Variants in ERN2 observed in about 807,000 individuals in gnomAD.
ERN2 encodes the protein serine/threonine-protein kinase/endoribonuclease IRE2.
A neutral mutation model predicts 107.9 loss-of-function variants in ERN2; 111 were observed. The observed-to-expected ratio is 1.03, with a 90% CI of 0.88 to 1.20. The LOEUF (loss-of-function observed/expected upper bound fraction) is 1.20, where lower values mean the gene tolerates loss of function less well. Among genes scored for constraint, ERN2 ranks in the 50% most tolerant of loss-of-function variants. The pLI, the probability that ERN2 is intolerant of heterozygous loss-of-function variation, is 0.00. For synonymous variants in ERN2, 524 were observed against 501.7 expected (o/e 1.04, Z -0.59); for missense variants, 1,225 against 1,197.9 (o/e 1.02, Z -0.33).
intron 7 of ERN2, among the ~76,000 whole-genome samples, chr16:23,705,389 C>A (rs970867179): frequency 2.6e-5 from 4 of 152,108 alleles, no homozygotes; most frequent in Non-Finnish European, 5.9e-5. Flanking sequence ...TGGGGTATTG[C>A]TCATGGTCAA....
At chr16:23,704,468 C>A (rs1189769425) in intron 8 of ERN2, among the ~76,000 whole-genome samples, 1 of 152,196 alleles carries the variant, frequency 6.6e-6, no homozygotes, top group Admixed American at 6.5e-5. Flanking sequence ...TCTTTGCCTG[C>A]CGCCATCCAC....
chr16:23,694,468 G>T (rs777870238), intron 17 of ERN2, among the ~76,000 whole-genome samples: 15 of 152,194 alleles, frequency 9.9e-5, no homozygotes, highest in Non-Finnish European at 1.5e-4. Flanking sequence ...GCAGATGCCA[G>T]TAGCCCCTCC....
intron 1 of ERN2, among the ~76,000 whole-genome samples, chr16:23,711,233 G>T (rs562806205): frequency 1.3e-5 from 2 of 152,250 alleles, no homozygotes; most frequent in East Asian, 1.9e-4. Context: ...GGGAGGTTTT[G>T]GCTCCCAATG....
intron 17 of ERN2, among the ~76,000 whole-genome samples, chr16:23,693,638 CTG>C (rs1291433351): frequency 6.6e-6 from 1 of 151,440 alleles, no homozygotes. Flanking sequence ...TAAATATAAA[CTG>C]TATAGTCTCA....
At chr16:23,706,888 C>G (rs1475347415) in intron 5 of ERN2, 27 bp from the exon 6 acceptor site, 1 of 1,597,872 alleles carries the variant, frequency 6.3e-7, no homozygotes, top group Non-Finnish European at 8.6e-7. Context: ...TGTGTTAGCT[C>G]TCAAGTTGGC....
At chr16:23,711,079 G>C in intron 1 of ERN2, 61 bp from the exon 2 acceptor site, 1 of 1,162,150 alleles carries the variant, frequency 8.6e-7, no homozygotes, top group Non-Finnish European at 1.3e-6. Context: ...CTTTGCTCCT[G>C]TCCCAAGCAG....
intron 4 of ERN2, among the ~76,000 whole-genome samples, chr16:23,707,738 A>C (rs960521803): frequency 1.3e-5 from 2 of 152,148 alleles, no homozygotes; most frequent in Non-Finnish European, 2.9e-5. Flanking sequence ...GAAACAAACA[A>C]ACAAAAAAAA....
At chr16:23,710,387 C>G (rs1440781137) in intron 3 of ERN2, 129 bp downstream of exon 3, 2 of 1,197,534 alleles carry the variant, frequency 1.7e-6, no homozygotes, top group East Asian at 4.7e-5. Context: ...TCCCCTATAT[C>G]ACATCCAGAG....
chr16:23,713,043 C>T (rs1960605267), intron 1 of ERN2, 52 bp downstream of exon 1: 6 of 1,386,242 alleles, frequency 4.3e-6, no homozygotes, highest in Admixed American at 5.3e-5. Flanking sequence ...ACGCCGCCCC[C>T]TGCGCCCCGC....
Position 23,694,759 on chromosome 16 carries a change from T to C in ERN2, c.2069A>G (p.Glu690Gly), listed in dbSNP as rs1959729241. 6.2e-7 allele frequency: 1 copy of C among 1,610,456 alleles called. No individual in the cohort carries two copies. The highest frequency in any genetic ancestry group is 2.2e-5 in the East Asian group (1 of 44,796). The change falls in exon 17 of 22, where the codon GAG becomes GGG. Residue 690 changes from glutamate to glycine, a missense_variant. Physicochemically the swap from Glu to Gly is moderately conservative, Grantham distance 98. Coordinates refer to ENST00000256797, the MANE Select transcript of ERN2 (RefSeq NM_033266.4). ...GTCTGGTGGCAGGAGCTGCAGAAGC[T>C]CGGGCGCCATCCAGCCTTCCGTGCC... ...IPGTEGWMAP[E>G]LLQLLPPDSP...
intron 13 of ERN2, 115 bp from the exon 14 acceptor site, chr16:23,696,093 G>T: frequency 1.4e-6 from 1 of 733,994 alleles, no homozygotes. Context: ...TGCTCAGCCT[G>T]GTGCAGTGGG....
At chr16:23,698,497 C>T (rs2141010481) in intron 13 of ERN2, among the ~76,000 whole-genome samples, 1 of 152,336 alleles carries the variant, frequency 6.6e-6, no homozygotes, top group Middle Eastern at 3.4e-3. Flanking sequence ...TTATTGAATA[C>T]ATGATGCAGC....
chr16:23,702,174 T>C lies in ERN2; in HGVS notation c.1181A>G (p.Gln394Arg). ...TAETRPPENT[Q>R]APAFFLELLS... ...GACCTCCAAGAAGAAGGCTGGGGCCTGGGTATTCTCTGGAGGTCTTGTCTC... is the reference window on the plus strand; with the variant it reads ...GACCTCCAAGAAGAAGGCTGGGGCCCGGGTATTCTCTGGAGGTCTTGTCTC... The change falls in exon 11 of 22, where the codon CAG becomes CGG. Residue 394 changes from glutamine (Q) to arginine (R), a missense_variant. Gln to Arg is a conservative substitution (Grantham distance 43). Transcript: ENST00000256797. The C allele has an allele frequency of 6.2e-7, 1 of 1,613,932 alleles. No homozygotes were observed. Among genetic ancestry groups the C allele is most frequent in the Non-Finnish European group, 8.5e-7 (1 of 1,179,986 alleles).
chr16:23,710,114 G>C (rs1960479193), intron 4 of ERN2, 58 bp downstream of exon 4: 2 of 1,188,386 alleles, frequency 1.7e-6, no homozygotes, highest in Admixed American at 3.4e-5. Flanking sequence ...ACCTCTCAGT[G>C]CTCCAGCTGA....
intron 17 of ERN2, 42 bp from the exon 18 acceptor site, chr16:23,692,373 C>G (rs1406630854): frequency 1.2e-6 from 2 of 1,601,650 alleles, no homozygotes; most frequent in South Asian, 2.2e-5. Flanking sequence ...ATCTCTGCTT[C>G]CAGGAAGTCA....
chr16:23,695,450 A>C (rs1232704375), intron 14 of ERN2, 61 bp from the exon 15 acceptor site: 4 of 1,485,452 alleles, frequency 2.7e-6, no homozygotes, highest in African/African-American at 1.4e-5. Context: ...AAAGGGACAA[A>C]CATGGTGGCT....
intron 8 of ERN2, among the ~76,000 whole-genome samples, chr16:23,703,448 C>T (rs917170759): frequency 1.3e-5 from 2 of 152,178 alleles, no homozygotes; most frequent in South Asian, 4.1e-4. Flanking sequence ...TCTTACACTC[C>T]ACCTATTTTC....
Position 23,702,553 on chromosome 16 carries a change from G to A in ERN2, c.934-16C>T. ...GTCCACGAGGCTATGGCAGAAGATG[G>A]AGAGCCATGAGTGAGGGAGGTTCTT... On this transcript the variant is annotated splice_polypyrimidine_tract_variant and intron_variant, in intron 9 of 21. Transcript: ENST00000256797. 6.2e-7 allele frequency: 1 copy of A among 1,613,894 alleles called. No homozygotes were observed. Among genetic ancestry groups the A allele is most frequent in the Non-Finnish European group, 8.5e-7 (1 of 1,179,832 alleles).
In ERN2 at chr16:23,692,324, G is replaced by C. The variant is rs1261709638; in HGVS notation, c.2108C>G (p.Ala703Gly). 6.2e-7 allele frequency: 1 copy of C among 1,612,872 alleles called. No homozygotes were observed. ...QLLPPDSPTSAVDIFSAGCVF... is the reference protein window; with the variant it reads ...QLLPPDSPTSGVDIFSAGCVF... Reference sequence around the variant, plus strand: ...GCAGCCTGCAGAGAAGATGTCCACAGCGCTGGTCTGGAGCCAGAGAGATGG... The same window carrying C: ...GCAGCCTGCAGAGAAGATGTCCACACCGCTGGTCTGGAGCCAGAGAGATGG... The change falls in exon 18 of 22, where the codon GCT becomes GGT. Residue 703 changes from alanine to glycine, a missense_variant. Transcript: ENST00000256797.
Sources: gnomAD v4.1 joint callset for allele counts (sites outside exome capture counted in the v4.1 genomes callset) on GRCh38, gnomAD v4.1.1 for gene constraint, MANE v1.5 for transcripts, NCBI Gene and HGNC (gene_info 2026-07-23, HGNC 2026-07-21) for gene names.